The following UST variants were observed in gnomAD, a reference collection of about 807,000 sequenced individuals.
UST encodes the protein chondroitin sulfate 2-O-sulfotransferase.
A neutral mutation model predicts 45.6 loss-of-function variants in UST; 21 were observed. That is an observed-to-expected ratio of 0.46 (90% CI 0.33 to 0.66). The LOEUF (loss-of-function observed/expected upper bound fraction) is 0.66. Among genes scored for constraint, UST ranks in the 30% least tolerant of loss-of-function variants. The pLI is 0.02. For missense variants in UST, 463 were observed against 512.4 expected, an observed-to-expected ratio of 0.90 and a Z score of 0.93; for synonymous variants, 215 against 200.6, an observed-to-expected ratio of 1.07 and a Z score of -0.61.
At chr6:148,812,925 C>T (rs781268676) in intron 1 of UST, among the ~76,000 whole-genome samples, 1 of 152,116 alleles carries the variant, frequency 6.6e-6, no homozygotes, top group Non-Finnish European at 1.5e-5. Flanking sequence ...TCAAAAAATT[C>T]CTTTTTATTG....
chr6:149,038,382 GGA>G (rs1451381695), intron 7 of UST, among the ~76,000 whole-genome samples: 1 of 150,100 alleles, frequency 6.7e-6, no homozygotes, highest in African/African-American at 2.5e-5. Flanking sequence ...GCCCTTAAAA[GGA>G]GAGAGAGACT....
chr6:149,026,949 A>G (rs1776058449), intron 7 of UST, among the ~76,000 whole-genome samples: 1 of 152,242 alleles, frequency 6.6e-6, no homozygotes, highest in Admixed American at 6.5e-5. Flanking sequence ...ACAAATTCCA[A>G]ACGAGTGACT....
intron 2 of UST, among the ~76,000 whole-genome samples, chr6:148,895,756 A>G (rs1442939859): frequency 6.6e-6 from 1 of 152,200 alleles, no homozygotes; most frequent in Admixed American, 6.5e-5. Flanking sequence ...TTTCACCTTC[A>G]GCCATGATCG....
At chr6:148,895,402 C>T (rs950197720) in intron 2 of UST, among the ~76,000 whole-genome samples, 6 of 152,168 alleles carry the variant, frequency 3.9e-5, no homozygotes, top group African/African-American at 1.4e-4. Context: ...TGCCACACAA[C>T]AGAGGGACAT....
At chr6:148,998,668 G>A (rs1044612318) in intron 5 of UST, among the ~76,000 whole-genome samples, 5 of 152,090 alleles carry the variant, frequency 3.3e-5, no homozygotes, top group African/African-American at 1.2e-4. Flanking sequence ...GTAGGGATGC[G>A]GGCCCATCCA....
intron 1 of UST, among the ~76,000 whole-genome samples, chr6:148,841,527 C>G (rs982636665): frequency 1.3e-5 from 2 of 149,460 alleles, no homozygotes; most frequent in African/African-American, 2.5e-5. Context: ...TTTCAAAGCA[C>G]TTTTCATTTT....
intron 5 of UST, among the ~76,000 whole-genome samples, chr6:148,975,784 TA>T: frequency 6.6e-6 from 1 of 152,190 alleles, no homozygotes; most frequent in Middle Eastern, 3.4e-3. Flanking sequence ...TCAGATGGAT[TA>T]AAAAGGTAAA....
intron 7 of UST, among the ~76,000 whole-genome samples, chr6:149,027,164 A>G (rs1033577657): frequency 6.6e-6 from 1 of 152,154 alleles, no homozygotes; most frequent in Non-Finnish European, 1.5e-5. Context: ...TGCAGTTTTC[A>G]ATTTTGAGGA....
At chr6:148,989,190 T>C (rs556789263) in intron 5 of UST, among the ~76,000 whole-genome samples, 49 of 150,496 alleles carry the variant, frequency 3.3e-4, no homozygotes, top group African/African-American at 1.2e-3. Flanking sequence ...GAAGGTGGAA[T>C]TACTTGACTT....
chr6:148,916,437 A>G (rs760568753), intron 2 of UST, among the ~76,000 whole-genome samples: 7 of 152,168 alleles, frequency 4.6e-5, no homozygotes, highest in South Asian at 2.1e-4. Flanking sequence ...AAGTTGCTTC[A>G]TTATAGAGAG....
chr6:148,790,247 A>G lies in UST; in HGVS notation c.247+42570A>G, dbSNP rs1428941558. On this transcript the variant is annotated intron_variant, in intron 1 of 7. Transcript: ENST00000367463. This position sits in a 1 kb window ranked among gnomAD's most constrained non-coding sequence, Gnocchi z 4.2. ...ATCCCTTCATGCCCGTGCTAATCTC[A>G]CTCCGTGCTCTTCTGTGCCTCCAAC... Among the ~76,000 whole-genome samples the G allele has an allele frequency of 1.3e-5, 2 of 151,514 alleles. No individual in the cohort carries two copies. Among genetic ancestry groups the G allele is most frequent in the East Asian group, 3.9e-4 (2 of 5,156 alleles).
intron 1 of UST, among the ~76,000 whole-genome samples, chr6:148,761,331 AAGT>A (rs777742893): frequency 6.6e-6 from 1 of 152,160 alleles, no homozygotes; most frequent in Admixed American, 6.5e-5. Context: ...CCACACTGCC[AAGT>A]TCCTAAGAAG....
chr6:148,882,925 C>T (rs1352177006), intron 1 of UST, among the ~76,000 whole-genome samples: 3 of 152,190 alleles, frequency 2.0e-5, no homozygotes, highest in Non-Finnish European at 4.4e-5. Context: ...TCTGTAAATA[C>T]TGATTGAATA....
chr6:149,070,810 C>G (rs2115046807), intron 7 of UST, among the ~76,000 whole-genome samples: 1 of 152,254 alleles, frequency 6.6e-6, no homozygotes, highest in African/African-American at 2.4e-5. Flanking sequence ...GCTCTGTCGC[C>G]AGGCTGGAGT....
At chr6:148,940,341 A>C (rs1332973194) in intron 2 of UST, among the ~76,000 whole-genome samples, 1 of 151,626 alleles carries the variant, frequency 6.6e-6, no homozygotes. Context: ...AAAAAAAATT[A>C]CAAAAATTAG....
chr6:148,855,368 C>T (rs182210718), intron 1 of UST, among the ~76,000 whole-genome samples: 151 of 152,308 alleles, frequency 9.9e-4, no homozygotes, highest in African/African-American at 3.4e-3. Flanking sequence ...AGATCACTGC[C>T]CTTTCTCACC....
chr6:149,050,935 C>T (rs1318362291), intron 7 of UST, among the ~76,000 whole-genome samples: 2 of 152,198 alleles, frequency 1.3e-5, no homozygotes, highest in African/African-American at 2.4e-5. Flanking sequence ...TAAAGGCCCA[C>T]ATGCCAAGGC....
At chr6:148,870,687 C>G (rs1289801795) in intron 1 of UST, among the ~76,000 whole-genome samples, 1 of 152,146 alleles carries the variant, frequency 6.6e-6, no homozygotes, top group Non-Finnish European at 1.5e-5. Context: ...TGCATTTACT[C>G]CGGTCTTCTC....
intron 1 of UST, among the ~76,000 whole-genome samples, chr6:148,764,781 C>T (rs555506362): frequency 2.6e-4 from 39 of 152,198 alleles, no homozygotes; most frequent in African/African-American, 4.8e-4. Flanking sequence ...AAGGTCAGGG[C>T]GAAACTAGAA....
Sources: gnomAD v4.1 joint callset for allele counts (sites outside exome capture counted in the v4.1 genomes callset) on GRCh38, gnomAD v4.1.1 for gene constraint, Gnocchi (gnomAD v3.1) non-coding constraint, MANE v1.5 for transcripts, NCBI Gene and HGNC (gene_info 2026-07-23, HGNC 2026-07-21) for gene names.